Variants in CSF1 observed in about 807,000 individuals in gnomAD.
The protein encoded by CSF1 is colony stimulating factor 1.
Under a neutral mutation model 48.9 loss-of-function variants are expected in CSF1, and 9 were observed. That is an observed-to-expected ratio of 0.18 (90% confidence interval 0.11 to 0.32). The LOEUF (loss-of-function observed/expected upper bound fraction) is 0.32, where lower values mean the gene tolerates loss of function less well. Among genes scored for constraint, CSF1 ranks in the 10% least tolerant of loss-of-function variants. The pLI, the probability that CSF1 is intolerant of heterozygous loss-of-function variation, is 1.00. For synonymous variants in CSF1, 305 were observed against 284.1 expected (o/e 1.07, Z -0.74); for missense variants, 672 against 697.9 (o/e 0.96, Z 0.42).
chr1:109,924,234 A>C, intron 6 of CSF1, 44 bp downstream of exon 6: 1 of 1,529,716 alleles, frequency 6.5e-7, no homozygotes, highest in Non-Finnish European at 8.8e-7. Flanking sequence ...CCCTTAGGGC[A>C]GGGGCAGAGC....
At chr1:109,924,726 C>T (rs372710713) in intron 6 of CSF1, 50 bp from the exon 7 acceptor site, 17 of 1,526,906 alleles carry the variant, frequency 1.1e-5, no homozygotes, top group African/African-American at 1.1e-4. Flanking sequence ...GGGCCACCGC[C>T]CCCCCACACT....
intron 4 of CSF1, among the ~76,000 whole-genome samples, chr1:109,921,033 C>T (rs1647506157): frequency 6.6e-6 from 1 of 152,152 alleles, no homozygotes; most frequent in African/African-American, 2.4e-5. Flanking sequence ...CTCTAAGACA[C>T]ACCAATGCCA....
chr1:109,915,617 C>G lies in CSF1; in HGVS notation c.163-17C>G. ...CTGTAGGTTACCCTGCAATCGTTGG[C>G]CTGCTCTCTCTTACAGATTGACAGT... On this transcript the variant is annotated splice_polypyrimidine_tract_variant and intron_variant, in intron 2 of 8. Coordinates refer to ENST00000329608, the MANE Select transcript of CSF1 (RefSeq NM_000757.6). The G allele has an allele frequency of 1.2e-6, 2 of 1,611,664 alleles. No homozygotes were observed. Among genetic ancestry groups the G allele is most frequent in the African/African-American group, 2.7e-5 (2 of 74,992 alleles).
chr1:109,920,186 T>C (rs1647463845), intron 4 of CSF1, among the ~76,000 whole-genome samples: 1 of 146,126 alleles, frequency 6.8e-6, no homozygotes, highest in Admixed American at 6.8e-5. Context: ...AGAGTGAGAC[T>C]TCATCTCAAA....
At chr1:109,921,712 C>T in intron 4 of CSF1, 135 bp from the exon 5 acceptor site, 2 of 1,127,830 alleles carry the variant, frequency 1.8e-6, no homozygotes, top group Admixed American at 2.6e-5. Context: ...TGCTGCAAAC[C>T]AGGGGAAAGG....
At chr1:109,923,014 C>A in intron 5 of CSF1, 152 bp from the exon 6 acceptor site, 1 of 677,676 alleles carries the variant, frequency 1.5e-6, no homozygotes. Flanking sequence ...ACTCTAGTCC[C>A]ATCCTCTTCT....
chr1:109,926,731 T>C (rs1031419195), intron 8 of CSF1: 1 of 152,218 alleles, frequency 6.6e-6, no homozygotes, highest in Non-Finnish European at 1.5e-5. Context: ...TAATAGTATA[T>C]CAATTTGCAC....
At chr1:109,928,180 G>A (rs1234323897) in intron 8 of CSF1, among the ~76,000 whole-genome samples, 1 of 152,234 alleles carries the variant, frequency 6.6e-6, no homozygotes, top group Non-Finnish European at 1.5e-5. Flanking sequence ...AAGGATGGGG[G>A]TGGAAGGCGA....
intron 4 of CSF1, among the ~76,000 whole-genome samples, chr1:109,917,808 T>C (rs1053723751): frequency 6.6e-6 from 1 of 152,212 alleles, no homozygotes; most frequent in Non-Finnish European, 1.5e-5. Context: ...GTGTCTGTTG[T>C]GTACCAGACA....
chr1:109,928,593 C>T (rs1328189717), intron 8 of CSF1, among the ~76,000 whole-genome samples: 1 of 152,098 alleles, frequency 6.6e-6, no homozygotes, highest in East Asian at 1.9e-4. Flanking sequence ...TCTCCCGGGC[C>T]CCGTTATCTT....
At chr1:109,926,987 C>A (rs1289919129) in intron 8 of CSF1, among the ~76,000 whole-genome samples, 1 of 152,198 alleles carries the variant, frequency 6.6e-6, no homozygotes. Context: ...TCTAACTGAC[C>A]AGCCTCTAGC....
chr1:109,912,248 C>T (rs1002448944), intron 1 of CSF1, among the ~76,000 whole-genome samples: 24 of 152,034 alleles, frequency 1.6e-4, no homozygotes, highest in African/African-American at 5.3e-4. Context: ...TCCAAGGGCC[C>T]GGTTCTGCCA....
At chr1:109,925,236 C>T (rs771389297) in intron 8 of CSF1, 34 bp downstream of exon 8, 2 of 1,574,554 alleles carry the variant, frequency 1.3e-6, no homozygotes, top group South Asian at 1.1e-5. Context: ...ACTCCTAAAA[C>T]TTACCTATAC....
At chr1:109,917,973 G>A (rs1414751882) in intron 4 of CSF1, among the ~76,000 whole-genome samples, 1 of 152,204 alleles carries the variant, frequency 6.6e-6, no homozygotes, top group African/African-American at 2.4e-5. Flanking sequence ...AACAGCACTG[G>A]AGAAGAGTAA....
At chr1:109,927,446 C>T (rs1305613500) in intron 8 of CSF1, among the ~76,000 whole-genome samples, 3 of 152,212 alleles carry the variant, frequency 2.0e-5, no homozygotes, top group Non-Finnish European at 4.4e-5. Context: ...CCCAGGCCTC[C>T]TCAGAACTGG....
At position 109,917,341 on chromosome 1, in the gene CSF1, A is replaced by T; in HGVS notation, c.274A>T (p.Ile92Leu). The change falls in exon 4 of 9, where the codon ATA becomes TTA. Residue 92 changes from isoleucine to leucine, a missense_variant. Physicochemically the swap from Ile to Leu is conservative, Grantham distance 5. Around this residue, in one of 3 missense-constraint regions of CSF1, gnomAD observed 591 missense variants for 593.6 expected, o/e 1.00. Transcript: ENST00000329608. ...GAAGGCATTTCTCCTGGTACAAGAC[A>T]TAATGGAGGACACCATGCGCTTCAG... Reference protein sequence around the residue: ...LKKAFLLVQDIMEDTMRFRDN... With the variant: ...LKKAFLLVQDLMEDTMRFRDN... 1 of 1,614,244 alleles carries T rather than the reference A, an allele frequency of 6.2e-7. No homozygotes were observed. The highest frequency in any genetic ancestry group is 8.5e-7 in the Non-Finnish European group (1 of 1,180,044).
chr1:109,915,761 T>G (rs879251768), intron 3 of CSF1, 65 bp downstream of exon 3: 18 of 1,347,088 alleles, frequency 1.3e-5, no homozygotes, highest in South Asian at 1.1e-4. Flanking sequence ...GTGGGGTGTG[T>G]GGGGGAGCAT....
intron 3 of CSF1, among the ~76,000 whole-genome samples, chr1:109,916,628 C>G (rs1205203782): frequency 6.6e-6 from 1 of 152,224 alleles, no homozygotes; most frequent in African/African-American, 2.4e-5. Flanking sequence ...CCAGAAGTTG[C>G]CCCTGTTTCT....
At chr1:109,921,467 T>C (rs1428212347) in intron 4 of CSF1, among the ~76,000 whole-genome samples, 1 of 152,222 alleles carries the variant, frequency 6.6e-6, no homozygotes, top group Non-Finnish European at 1.5e-5. Context: ...ACTTGTTTAG[T>C]TCCCCTTGTT....
Sources: allele counts gnomAD v4.1 joint callset (sites outside exome capture counted in the v4.1 genomes callset), GRCh38; gene constraint gnomAD v4.1.1; regional missense constraint gnomAD v4.1.1; transcripts MANE v1.5; gene names NCBI Gene and HGNC (gene_info 2026-07-23, HGNC 2026-07-21).